The following ZNF280C variants were observed in gnomAD, a reference collection of about 807,000 sequenced individuals.
The protein encoded by ZNF280C is zinc finger protein 280C, also known as suppressor of hairy wing homolog 3.
A neutral mutation model predicts 53.6 loss-of-function variants in ZNF280C; 14 were observed. That is an observed-to-expected ratio of 0.26 (90% CI 0.17 to 0.41). The LOEUF is 0.41. Among genes scored for constraint, ZNF280C ranks in the 10% least tolerant of loss-of-function variants. The pLI is 1.00. For missense variants in ZNF280C, 416 were observed against 547.1 expected (o/e 0.76, Z 2.39); for synonymous variants, 203 against 181.1 (o/e 1.12, Z -0.97).
At chrX:130,210,707 C>T (rs2032031333) in intron 15 of ZNF280C, among the ~76,000 whole-genome samples, 1 of 112,630 alleles carries the variant, frequency 8.9e-6, no homozygotes, top group Admixed American at 9.4e-5. Flanking sequence ...CTCCTACACA[C>T]AGATCAGAAA....
chrX:130,219,970 C>G (rs2032146341), intron 13 of ZNF280C, among the ~76,000 whole-genome samples: 1 of 110,849 alleles, frequency 9.0e-6, no homozygotes, highest in African/African-American at 3.3e-5. Flanking sequence ...AATCAGAGGT[C>G]AATTTTAATA....
At chrX:130,236,401 C>A in intron 7 of ZNF280C, 68 bp downstream of exon 7, 1 of 1,121,227 alleles carries the variant, frequency 8.9e-7, no homozygotes, top group Non-Finnish European at 1.2e-6. Context: ...TTTTAAAATT[C>A]ATCACAATTT....
At chrX:130,255,242 G>A (rs370274249) in intron 2 of ZNF280C, among the ~76,000 whole-genome samples, 27 of 98,221 alleles carry the variant, frequency 2.7e-4, no homozygotes, top group African/African-American at 9.7e-4. Flanking sequence ...CCGGGTTCAC[G>A]CCATTCTCCT....
chrX:130,243,451 C>T lies in ZNF280C; in HGVS notation c.381+112G>A. The T allele has an allele frequency of 3.3e-6, 3 of 899,009 alleles. No homozygotes were observed. In the South Asian group the frequency reaches 8.0e-5, roughly 24 times the overall value. 74.1% of individuals were successfully genotyped at this position (899,009 alleles called of 1,213,427 possible). ...TGCCTGCCTTGGCCTCCCAAAGTAC[C>T]AAAGATTACAGGCGTGAGCCACTGT... On this transcript the variant is annotated intron_variant, in intron 5 of 18. Coordinates refer to ENST00000370978, the MANE Select transcript of ZNF280C (RefSeq NM_017666.5).
chrX:130,222,370 C>T lies in ZNF280C; in HGVS notation c.1396-1890G>A, dbSNP rs759218308. On this transcript the variant is annotated intron_variant, in intron 12 of 18. Coordinates refer to ENST00000370978, the MANE Select transcript of ZNF280C (RefSeq NM_017666.5). ...GATGCATTATTTCAGTGAGTACAAA[C>T]CTTGCTTTGCTTACTTCTGTATCCC... Among the ~76,000 whole-genome samples the T allele has an allele frequency of 3.4e-3, 362 of 106,192 alleles. 1 individual carries two copies. The highest frequency in any genetic ancestry group is 0.01 in the Middle Eastern group (2 of 200). 92.2% of individuals were successfully genotyped at this position (106,192 alleles called of 115,157 possible).
intron 1 of ZNF280C, among the ~76,000 whole-genome samples, chrX:130,265,513 A>G (rs768608530): frequency 2.7e-5 from 3 of 112,231 alleles, no homozygotes; most frequent in African/African-American, 6.5e-5. Flanking sequence ...CTAATTCCTA[A>G]AGTAACCTCA....
At chrX:130,234,663 T>C (rs981186158) in intron 8 of ZNF280C, among the ~76,000 whole-genome samples, 38 of 112,036 alleles carry the variant, frequency 3.4e-4, no homozygotes, top group South Asian at 1.1e-3. Flanking sequence ...ACACTGACTT[T>C]TTTCTTGCCT....
At position 130,204,760 on chromosome X, in the gene ZNF280C, GA is replaced by G. The variant is rs200100871; in HGVS notation, c.*216del. ...GCATTTTTGGAGAGAGCCAACTGGAGAAAAAAATATGTTAAGATATGTTAAC... is the reference window on the plus strand; with the variant it reads ...GCATTTTTGGAGAGAGCCAACTGGAGAAAAAATATGTTAAGATATGTTAAC... On this transcript the variant is annotated 3_prime_UTR_variant, in exon 19 of 19. Transcript: ENST00000370978. 3.7e-3 allele frequency: 1,137 copies of G among 306,064 alleles called. 14 individuals carry two copies. The highest frequency in any genetic ancestry group is 0.028 in the African/African-American group (1,033 of 36,423). 25.2% of individuals were successfully genotyped at this position (306,064 alleles called of 1,213,427 possible).
rs921785732 is a variant in ZNF280C, at chrX:130,268,879, G to A, written c.-134C>T. 8 of 112,670 alleles carry A rather than the reference G, an allele frequency of 7.1e-5. No individual in the cohort carries two copies. The highest frequency in any genetic ancestry group is 2.6e-4 in the African/African-American group (8 of 31,006). 9.3% of individuals were successfully genotyped at this position (112,670 alleles called of 1,213,427 possible). ...CAGCCTCAGCAACAGCGACTCCCCC[G>A]GAGACTTCCAGCGCGGAACCGGCGT... On this transcript the variant is annotated 5_prime_UTR_variant, in exon 1 of 19. Transcript: ENST00000370978.
Position 130,205,332 on chromosome X carries a change from C to T in ZNF280C, c.2126G>A (p.Arg709His), listed in dbSNP as rs1476745046. Residue 709 changes from arginine to histidine, a missense_variant, in exon 17 of 19, where the codon CGT becomes CAT. Physicochemically the swap from Arg to His is conservative, Grantham distance 29 (BLOSUM62 0). This residue lies in a region of ZNF280C where 151 missense variants were observed against 176.9 expected (regional missense o/e 0.85). Transcript: ENST00000370978. ...TATAACTTGGCAAGTATGAGTTTTACGTTGACTTAAGTGTTTAGCCATACG... is the reference window on the plus strand; with the variant it reads ...TATAACTTGGCAAGTATGAGTTTTATGTTGACTTAAGTGTTTAGCCATACG... Reference protein sequence around the residue: ...LDRMAKHLSQRKTHTCQVIIE... With the variant: ...LDRMAKHLSQHKTHTCQVIIE... The T allele has an allele frequency of 2.5e-6, 3 of 1,207,246 alleles. No individual in the cohort carries two copies. Among genetic ancestry groups the T allele is most frequent in the Non-Finnish European group, 3.4e-6 (3 of 892,905 alleles).
intron 16 of ZNF280C, among the ~76,000 whole-genome samples, chrX:130,208,824 T>C (rs896649438): frequency 1.8e-5 from 2 of 109,507 alleles, no homozygotes; most frequent in African/African-American, 6.7e-5. Context: ...GCCTCCCAAG[T>C]AGCTGGGATT....
intron 12 of ZNF280C, among the ~76,000 whole-genome samples, chrX:130,222,276 C>CCACACACACACACACACACACA (rs59694150): frequency 2.3e-4 from 16 of 69,930 alleles, no homozygotes; most frequent in East Asian, 1.4e-3. Flanking sequence ...CATTCAGACA[C>CCACACACACACACACACACACA]CACACACACA....
chrX:130,203,231 G>C lies in ZNF280C; in HGVS notation c.*1746C>G, dbSNP rs1187010329. On this transcript the variant is annotated 3_prime_UTR_variant, in exon 19 of 19. Coordinates refer to ENST00000370978, the MANE Select transcript of ZNF280C (RefSeq NM_017666.5). Reference sequence around the variant, plus strand: ...ACACAAAGAGAAGAGTTCAAAAGTAGACATAAAATGGACATCAGCAAATTT... The same window carrying C: ...ACACAAAGAGAAGAGTTCAAAAGTACACATAAAATGGACATCAGCAAATTT... The C allele has an allele frequency of 2.7e-5, 3 of 111,432 alleles. No individual in the cohort carries two copies. Among genetic ancestry groups the C allele is most frequent in the Non-Finnish European group, 5.6e-5 (3 of 53,098 alleles). 9.2% of individuals were successfully genotyped at this position (111,432 alleles called of 1,213,427 possible). A position where few individuals can be genotyped will look rare whatever the true frequency, so the allele number is the denominator to read the frequency against.
chrX:130,227,619 T>C, intron 11 of ZNF280C, 63 bp downstream of exon 11: 1 of 820,649 alleles, frequency 1.2e-6, no homozygotes, highest in East Asian at 3.1e-5. Flanking sequence ...AAAAGAACAA[T>C]ACTATTTCAT....
intron 5 of ZNF280C, among the ~76,000 whole-genome samples, chrX:130,240,087 A>G (rs1404729622): frequency 1.8e-5 from 2 of 111,649 alleles, no homozygotes; most frequent in Non-Finnish European, 1.9e-5. Flanking sequence ...TATGCTAAAG[A>G]AATGAAAATG....
intron 14 of ZNF280C, 56 bp downstream of exon 14, chrX:130,215,735 T>A: frequency 9.6e-7 from 1 of 1,039,482 alleles, no homozygotes; most frequent in Non-Finnish European, 1.3e-6. Flanking sequence ...TATGATATGA[T>A]AAATTATATA....
In ZNF280C at chrX:130,222,276, CCACACACACACACACACACA is replaced by C. The variant is rs59694150; in HGVS notation, c.1396-1816_1396-1797del. ...GCTGGCATACATATACATTCAGACA[CCACACACACACACACACACA>C]CACACACACACACACACACACACAC... On this transcript the variant is annotated intron_variant, in intron 12 of 18. Transcript: ENST00000370978. Among the ~76,000 whole-genome samples the C allele has an allele frequency of 1.2e-3, 83 of 69,926 alleles. 1 individual carries two copies. In the East Asian group the frequency reaches 0.019, roughly 16 times the overall value. The allele number at this position is 69,926 out of a possible 115,157, so 60.7% of individuals were successfully genotyped here. A position where few individuals can be genotyped will look rare whatever the true frequency, so the allele number is the denominator to read the frequency against.
chrX:130,233,144 AAAATAGTC>A (rs778984315), intron 8 of ZNF280C, among the ~76,000 whole-genome samples: 1 of 111,935 alleles, frequency 8.9e-6, no homozygotes, highest in Admixed American at 9.5e-5. Flanking sequence ...TGAGGAATCT[AAAATAGTC>A]AAACTCATAG....
At chrX:130,237,369 A>C (rs2032345732) in intron 6 of ZNF280C, among the ~76,000 whole-genome samples, 1 of 111,566 alleles carries the variant, frequency 9.0e-6, no homozygotes, top group African/African-American at 3.2e-5. Context: ...CAGATAAAGA[A>C]ACTCTGCTTT....
Sources: allele counts gnomAD v4.1 joint callset (sites outside exome capture counted in the v4.1 genomes callset), GRCh38; gene constraint gnomAD v4.1.1; regional missense constraint gnomAD v4.1.1; transcripts MANE v1.5; gene names NCBI Gene and HGNC (gene_info 2026-07-23, HGNC 2026-07-21).